Variants in VAV2 observed in about 807,000 individuals in gnomAD.
VAV2 encodes the protein vav guanine nucleotide exchange factor 2, also known as guanine nucleotide exchange factor VAV2.
In VAV2, 67 loss-of-function variants were observed where a neutral mutation model predicts 132.5. The observed-to-expected ratio is 0.51, with a 90% CI of 0.42 to 0.62. The LOEUF (loss-of-function observed/expected upper bound fraction) is 0.62. Among genes scored for constraint, VAV2 ranks in the 20% least tolerant of loss-of-function variants. VAV2 has a pLI of 0.00. For missense variants in VAV2, 938 were observed against 1,153.6 expected, an observed-to-expected ratio of 0.81 and a Z score of 2.71; for synonymous variants, 492 against 443.5, an observed-to-expected ratio of 1.11 and a Z score of -1.37.
chr9:133,780,800 G>T, intron 19 of VAV2, 90 bp from the exon 20 acceptor site: 1 of 1,240,480 alleles, frequency 8.1e-7, no homozygotes, highest in Non-Finnish European at 1.0e-6. Context: ...GAGCCTCTGG[G>T]CCGAGCTTAA....
At position 133,802,832 on chromosome 9, in the gene VAV2, G is replaced by T. The variant is rs1483720681; in HGVS notation, c.836+3249C>A. Among the ~76,000 whole-genome samples, 1 of 152,216 alleles carries T rather than the reference G, an allele frequency of 6.6e-6. No homozygotes were observed. The highest frequency in any genetic ancestry group is 2.4e-5 in the African/African-American group (1 of 41,458). The stretch of plus-strand genomic sequence containing the variant: ...CGTGGATTGAGGACCACAGGCCATG[G>T]GCTCAGGTATGGACCAAGGATGCAG... On this transcript the variant is annotated intron_variant, in intron 9 of 29. Coordinates refer to ENST00000371850, the MANE Select transcript of VAV2 (RefSeq NM_001134398.2). The surrounding 1 kb of genome is among the most constrained non-coding windows in gnomAD (Gnocchi z 5.8).
chr9:133,908,791 C>T (rs550845755), intron 2 of VAV2, among the ~76,000 whole-genome samples: 1 of 152,246 alleles, frequency 6.6e-6, no homozygotes, highest in South Asian at 2.1e-4. Flanking sequence ...CAGGAGCAGG[C>T]CCCCTCGGGA....
chr9:133,898,053 G>A (rs761982620), intron 2 of VAV2, among the ~76,000 whole-genome samples: 1 of 151,838 alleles, frequency 6.6e-6, no homozygotes, highest in Admixed American at 6.6e-5. Flanking sequence ...CTCCTACCAG[G>A]GAAGGCCACG....
At chr9:133,816,797 A>G (rs948761823) in intron 4 of VAV2, among the ~76,000 whole-genome samples, 5 of 152,262 alleles carry the variant, frequency 3.3e-5, no homozygotes, top group African/African-American at 1.2e-4. Context: ...TCAGAAACCA[A>G]TTGACCAAAT....
chr9:133,897,337 C>T (rs1407079713), intron 2 of VAV2, among the ~76,000 whole-genome samples: 1 of 152,148 alleles, frequency 6.6e-6, no homozygotes, highest in East Asian at 1.9e-4. Flanking sequence ...GAGCCCAGCA[C>T]AGGGCACACC....
chr9:133,788,782 C>T lies in VAV2; in HGVS notation c.1275-296G>A, dbSNP rs1033091915. ...CCTCCCATGCAGCACTGACCCCCGA[C>T]GGCTACTCCCAGTTGATCCCGCGCT... On this transcript the variant is annotated intron_variant, in intron 14 of 29. Transcript: ENST00000371850. The surrounding 1 kb of genome is among the most constrained non-coding windows in gnomAD (Gnocchi z 5.3). Among the ~76,000 whole-genome samples, 1 of 152,170 alleles carries T rather than the reference C, an allele frequency of 6.6e-6. No homozygotes were observed. The highest frequency in any genetic ancestry group is 1.5e-5 in the Non-Finnish European group (1 of 68,022).
At chr9:133,965,402 G>C (rs1417983160) in intron 1 of VAV2, among the ~76,000 whole-genome samples, 1 of 150,188 alleles carries the variant, frequency 6.7e-6, no homozygotes, top group Non-Finnish European at 1.5e-5. Context: ...GGGAGGCTGA[G>C]ACAGGAGAAT....
At chr9:133,974,687 C>G (rs931554429) in intron 1 of VAV2, among the ~76,000 whole-genome samples, 1 of 152,146 alleles carries the variant, frequency 6.6e-6, no homozygotes, top group Non-Finnish European at 1.5e-5. Flanking sequence ...CTCTTCCTCA[C>G]TGTGCCATTC....
intron 2 of VAV2, among the ~76,000 whole-genome samples, chr9:133,867,839 G>T (rs1837867786): frequency 6.6e-6 from 1 of 152,254 alleles, no homozygotes; most frequent in South Asian, 2.1e-4. Context: ...GTCCAGTGTG[G>T]GGCGGTCCAC....
rs974823775 is a variant in VAV2 at position 133,947,111 on chromosome 9, G to C, written c.205-7892C>G. Among the ~76,000 whole-genome samples, 9 of 152,312 alleles carry C rather than the reference G, an allele frequency of 5.9e-5. No homozygotes were observed. In the South Asian group the frequency reaches 1.0e-3, roughly 18 times the overall value. ...TCTCCTCAAGCAGCAGAGAGTCCAC[G>C]ATGCCTTCCAAGACGTCAGGGGCCC... On this transcript the variant is annotated intron_variant, in intron 1 of 29. Transcript: ENST00000371850.
In VAV2 at chr9:133,926,350, G is replaced by A. The variant is rs560297810; in HGVS notation, c.321+12753C>T. The stretch of plus-strand genomic sequence containing the variant: ...GTCCTAAGAGGGAAGGGAGACAACA[G>A]GTGGGCATCACTCCCCAGGGCGCCA... On this transcript the variant is annotated intron_variant, in intron 2 of 29. Transcript: ENST00000371850. The surrounding 1 kb of genome is among the most constrained non-coding windows in gnomAD (Gnocchi z 4.3). The A allele has an allele frequency of 6.6e-6, 1 of 152,528 alleles. No individual in the cohort carries two copies. Among genetic ancestry groups the A allele is most frequent in the African/African-American group, 2.4e-5 (1 of 41,572 alleles). 9.4% of individuals were successfully genotyped at this position (152,528 alleles called of 1,614,324 possible).
In VAV2 at chr9:133,769,411, C is replaced by G. The variant is rs369873116; in HGVS notation, c.2434+6G>C. On this transcript the variant is annotated splice_donor_region_variant and intron_variant, in intron 28 of 29. Coordinates refer to ENST00000371850, the MANE Select transcript of VAV2 (RefSeq NM_001134398.2). This position sits in a 1 kb window ranked among gnomAD's most constrained non-coding sequence, Gnocchi z 8.1. ...GGTCCCCCCACGCCCTGGGGAGCAG[C>G]GGTACCTGACCAGAAGGGAGCGGAG... 1 of 1,608,672 alleles carries G rather than the reference C, an allele frequency of 6.2e-7. No homozygotes were observed. Among genetic ancestry groups the G allele is most frequent in the African/African-American group, 1.3e-5 (1 of 74,848 alleles).
intron 1 of VAV2, among the ~76,000 whole-genome samples, chr9:133,942,128 T>C (rs1290519235): frequency 1.3e-5 from 2 of 152,180 alleles, no homozygotes; most frequent in East Asian, 1.9e-4. Flanking sequence ...GAGAAGACAC[T>C]GAGTTTTACG....
At chr9:133,771,058 T>C (rs1017797616) in intron 26 of VAV2, among the ~76,000 whole-genome samples, 39 of 120,362 alleles carry the variant, frequency 3.2e-4, no homozygotes, top group Non-Finnish European at 6.3e-4. Context: ...GGATTATGGA[T>C]TTTCTTTTTT....
At position 133,833,809 on chromosome 9, in the gene VAV2, C is replaced by T. The variant is rs972005023; in HGVS notation, c.449+463G>A. On this transcript the variant is annotated intron_variant, in intron 4 of 29. Coordinates refer to ENST00000371850, the MANE Select transcript of VAV2 (RefSeq NM_001134398.2). This position sits in a 1 kb window ranked among gnomAD's most constrained non-coding sequence, Gnocchi z 5.6. ...TCCACCGAGGCAGGGCAGTGCCTGC[C>T]GGGCCACGTGTTAACCCCGAGCCCA... 2.0e-5 allele frequency among the ~76,000 whole-genome samples: 3 copies of T among 151,882 alleles called. No individual in the cohort carries two copies. The highest frequency in any genetic ancestry group is 4.8e-5 in the African/African-American group (2 of 41,346).
intron 2 of VAV2, among the ~76,000 whole-genome samples, chr9:133,880,057 A>C (rs1838425440): frequency 6.6e-6 from 1 of 152,258 alleles, no homozygotes; most frequent in Admixed American, 6.5e-5. Flanking sequence ...GCCATCTGGA[A>C]GTAGAGGAGA....
intron 1 of VAV2, among the ~76,000 whole-genome samples, chr9:133,943,046 T>C (rs1278272622): frequency 1.3e-5 from 2 of 152,058 alleles, no homozygotes; most frequent in Non-Finnish European, 2.9e-5. Context: ...GCACAGAGAG[T>C]TAAGGACGTG....
rs1840221358 is a variant in VAV2, at chr9:133,919,588, CCGG to C, written c.321+19512_321+19514del. On this transcript the variant is annotated intron_variant, in intron 2 of 29. Transcript: ENST00000371850. The surrounding 1 kb of genome is among the most constrained non-coding windows in gnomAD (Gnocchi z 5.8). ...CTCAGCAAGGGAAGCCACCAGGACACCGGGTTTTTCCTGAACATTCCTCCCATC... is the reference window on the plus strand; with the variant it reads ...CTCAGCAAGGGAAGCCACCAGGACACGTTTTTCCTGAACATTCCTCCCATC... Among the ~76,000 whole-genome samples the C allele has an allele frequency of 6.6e-6, 1 of 152,174 alleles. No homozygotes were observed. Among genetic ancestry groups the C allele is most frequent in the Non-Finnish European group, 1.5e-5 (1 of 68,028 alleles).
chr9:133,865,094 A>G (rs1837748978), intron 2 of VAV2, among the ~76,000 whole-genome samples: 1 of 152,228 alleles, frequency 6.6e-6, no homozygotes, highest in Admixed American at 6.5e-5. Flanking sequence ...ACTCCACGTG[A>G]TGGGTCCTTC....
Sources: gnomAD v4.1 joint callset for allele counts (sites outside exome capture counted in the v4.1 genomes callset) on GRCh38, gnomAD v4.1.1 for gene constraint, Gnocchi (gnomAD v3.1) non-coding constraint, MANE v1.5 for transcripts, NCBI Gene and HGNC (gene_info 2026-07-23, HGNC 2026-07-21) for gene names.